The following CSMD1 variants were observed in gnomAD, a reference collection of about 807,000 sequenced individuals.
CSMD1 encodes CUB and sushi domain-containing protein 1.
CSMD1 carries 213 observed loss-of-function variants against 417.5 expected under a neutral mutation model. That is an observed-to-expected ratio of 0.51 (90% confidence interval 0.46 to 0.57). The LOEUF is 0.57. CSMD1 is among the 20% of genes least tolerant of loss of function. The pLI, the probability that CSMD1 is intolerant of heterozygous loss-of-function variation, is 0.00. For synonymous variants in CSMD1, 2,862 were observed against 1,736.8 expected, an observed-to-expected ratio of 1.65 and a Z score of -16.11; for missense variants, 6,923 against 4,529.7, an observed-to-expected ratio of 1.53 and a Z score of -15.17.
At chr8:3,555,473 G>A (rs1280744689) in intron 10 of CSMD1, among the ~76,000 whole-genome samples, 1 of 152,190 alleles carries the variant, frequency 6.6e-6, no homozygotes, top group Admixed American at 6.5e-5. Context: ...AGGTGGAGGT[G>A]AAGTGGGATG....
chr8:3,250,042 C>A (rs888395978), intron 26 of CSMD1, among the ~76,000 whole-genome samples: 1 of 152,116 alleles, frequency 6.6e-6, no homozygotes, highest in Non-Finnish European at 1.5e-5. Context: ...CTCCATGTGA[C>A]CAAGTACATA....
At chr8:4,183,683 T>C (rs78583575) in intron 3 of CSMD1, among the ~76,000 whole-genome samples, 1 of 152,250 alleles carries the variant, frequency 6.6e-6, no homozygotes, top group African/African-American at 2.4e-5. Context: ...AATTTTGTTG[T>C]GAGCAGAGAA....
At chr8:4,402,282 A>T (rs1804696340) in intron 3 of CSMD1, among the ~76,000 whole-genome samples, 1 of 151,732 alleles carries the variant, frequency 6.6e-6, no homozygotes, top group Non-Finnish European at 1.5e-5. Flanking sequence ...ATCATTCCCC[A>T]CGGTCTTTGC....
In CSMD1 at chr8:4,916,485, A is replaced by G. The variant is rs75343649; in HGVS notation, c.85+77847T>C. On this transcript the variant is annotated intron_variant, in intron 1 of 69. Coordinates refer to ENST00000635120, the MANE Select transcript of CSMD1 (RefSeq NM_033225.6). ...GATGGTTTTGTTCAACTTGCAATGT[A>G]TGTTTTCTTTCTTCCTCATGGAAAT... Among the ~76,000 whole-genome samples the G allele has an allele frequency of 2.8e-3, 432 of 152,334 alleles. 13 individuals carry two copies. In the East Asian group the frequency reaches 0.047, roughly 17 times the overall value.
intron 1 of CSMD1, among the ~76,000 whole-genome samples, chr8:4,956,537 A>T: frequency 6.8e-6 from 1 of 147,638 alleles, no homozygotes; most frequent in South Asian, 2.1e-4. Flanking sequence ...TATATTATAA[A>T]ATATATGTGT....
intron 10 of CSMD1, among the ~76,000 whole-genome samples, chr8:3,564,879 A>G (rs62475831): frequency 0.17 from 26,187 of 151,892 alleles, 2,712 homozygotes; most frequent in Non-Finnish European, 0.23. Context: ...GGTAAGTCAT[A>G]GACAATGAAA....
intron 3 of CSMD1, among the ~76,000 whole-genome samples, chr8:4,351,319 C>T (rs1010757108): frequency 6.6e-6 from 1 of 152,296 alleles, no homozygotes; most frequent in East Asian, 1.9e-4. Context: ...AATGTTTCTC[C>T]AGCTATATAA....
rs180983415 is a variant in CSMD1 at position 3,280,064 on chromosome 8, C to T, written c.4153+4080G>A. On this transcript the variant is annotated intron_variant, in intron 26 of 69. Coordinates refer to ENST00000635120, the MANE Select transcript of CSMD1 (RefSeq NM_033225.6). ...CGTCCGTGTTGATCTTGGGGCACAT[C>T]GGCCCCCGGGGTACCTGAAGAGAGA... 1.3e-3 allele frequency among the ~76,000 whole-genome samples: 201 copies of T among 151,794 alleles called. 1 individual carries two copies. The highest frequency in any genetic ancestry group is 4.7e-3 in the African/African-American group (193 of 41,448).
intron 6 of CSMD1, among the ~76,000 whole-genome samples, chr8:3,744,213 G>A (rs1478457852): frequency 6.6e-6 from 1 of 152,166 alleles, no homozygotes; most frequent in African/African-American, 2.4e-5. Flanking sequence ...GGGATGACGT[G>A]TTCAAGCCGC....
chr8:4,581,698 C>T (rs1303070416), intron 2 of CSMD1, among the ~76,000 whole-genome samples: 2 of 152,156 alleles, frequency 1.3e-5, no homozygotes, highest in Non-Finnish European at 2.9e-5. Flanking sequence ...GTCACATAAG[C>T]AGGTCGGTTT....
Position 4,205,144 on chromosome 8 carries a change from T to A in CSMD1, c.416-173045A>T, listed in dbSNP as rs368347008. ...ACACATTTATCTCAACTCTGTTGAATGAAATTGTTCTTAGAGAGAAAACTG... is the reference window on the plus strand; with the variant it reads ...ACACATTTATCTCAACTCTGTTGAAAGAAATTGTTCTTAGAGAGAAAACTG... On this transcript the variant is annotated intron_variant, in intron 3 of 69. Coordinates refer to ENST00000635120, the MANE Select transcript of CSMD1 (RefSeq NM_033225.6). Among the ~76,000 whole-genome samples the A allele has an allele frequency of 5.9e-5, 9 of 152,292 alleles. No individual in the cohort carries two copies. The East Asian group carries it at 9.6e-4, about 16-fold the overall frequency.
intron 1 of CSMD1, among the ~76,000 whole-genome samples, chr8:4,892,623 A>G (rs1804195202): frequency 6.6e-6 from 1 of 152,156 alleles, no homozygotes; most frequent in Non-Finnish European, 1.5e-5. Flanking sequence ...GTCTTTCCTT[A>G]GACGTGAACA....
At chr8:3,954,214 A>G (rs1424084390) in intron 5 of CSMD1, among the ~76,000 whole-genome samples, 1 of 152,148 alleles carries the variant, frequency 6.6e-6, no homozygotes, top group Non-Finnish European at 1.5e-5. Context: ...CATAAAGGAG[A>G]AAAAGAGACC....
At chr8:4,744,162 G>A (rs572431256) in intron 1 of CSMD1, among the ~76,000 whole-genome samples, 4 of 152,294 alleles carry the variant, frequency 2.6e-5, no homozygotes, top group African/African-American at 9.6e-5. Context: ...TCCCTATAAA[G>A]AGCGTCGCAG....
chr8:4,680,135 CTA>C (rs1366535931), intron 1 of CSMD1, among the ~76,000 whole-genome samples: 1 of 152,160 alleles, frequency 6.6e-6, no homozygotes, highest in Non-Finnish European at 1.5e-5. Context: ...AAAAGGACAA[CTA>C]TGAATATACA....
rs1025938995 is a variant in CSMD1, at chr8:4,787,474, T to G, written c.86-149916A>C. The G allele has an allele frequency of 1.5e-4, 124 of 826,668 alleles. 2 individuals are homozygous for G. Among genetic ancestry groups the G allele is most frequent in the South Asian group, 1.2e-3 (80 of 68,986 alleles). 51.2% of individuals were successfully genotyped at this position (826,668 alleles called of 1,614,324 possible). A position where few individuals can be genotyped will look rare whatever the true frequency, so the allele number is the denominator to read the frequency against. On this transcript the variant is annotated intron_variant, in intron 1 of 69. Transcript: ENST00000635120. Reference sequence around the variant, plus strand: ...GAAAGAATCACCTGGAAGGAAAAGCTGCAATCTCAAAGAAAATCACCAGTT... The same window carrying G: ...GAAAGAATCACCTGGAAGGAAAAGCGGCAATCTCAAAGAAAATCACCAGTT...
chr8:3,796,558 G>C (rs1385399278), intron 5 of CSMD1, among the ~76,000 whole-genome samples: 2 of 142,798 alleles, frequency 1.4e-5, no homozygotes, highest in South Asian at 2.2e-4. Flanking sequence ...ATACATGATA[G>C]ATATATATCT....
intron 6 of CSMD1, among the ~76,000 whole-genome samples, chr8:3,744,191 G>T (rs570737877): frequency 1.3e-5 from 2 of 152,320 alleles, no homozygotes; most frequent in African/African-American, 4.8e-5. Flanking sequence ...GCGGGAGTGG[G>T]AGTTGAGGAC....
rs554868204 is a variant in CSMD1 at position 4,317,050 on chromosome 8, A to G, written c.415+102903T>C. Among the ~76,000 whole-genome samples the G allele has an allele frequency of 4.5e-3, 683 of 152,292 alleles. 2 individuals are homozygous for G. The highest frequency in any genetic ancestry group is 6.9e-3 in the Non-Finnish European group (472 of 68,028). On this transcript the variant is annotated intron_variant, in intron 3 of 69. Transcript: ENST00000635120. ...TACACTTGTAAACGGCACTGAAAAC[A>G]TACAAGCCCTGTGGAATTAATCAGC...
Sources: allele counts gnomAD v4.1 joint callset (sites outside exome capture counted in the v4.1 genomes callset), GRCh38; gene constraint gnomAD v4.1.1; transcripts MANE v1.5; gene names NCBI Gene and HGNC (gene_info 2026-07-23, HGNC 2026-07-21).